ARPP21: variants seen among roughly 807,000 people sequenced by gnomAD.
ARPP21 encodes the protein cAMP-regulated phosphoprotein 21.
Under a neutral mutation model 113.2 loss-of-function variants are expected in ARPP21, and 69 were observed. The ratio of observed to expected loss-of-function variants is 0.61; its 90% CI spans 0.50 to 0.74. ARPP21 has a LOEUF of 0.74. Among genes scored for constraint, ARPP21 ranks in the 30% least tolerant of loss-of-function variants. ARPP21 has a pLI of 0.00. For synonymous variants in ARPP21, 368 were observed against 375.5 expected, an observed-to-expected ratio of 0.98 and a Z score of 0.23; for missense variants, 1,070 against 1,037.4, an observed-to-expected ratio of 1.03 and a Z score of -0.43.
intron 19 of ARPP21, among the ~76,000 whole-genome samples, chr3:35,749,101 C>G (rs1308325155): frequency 6.6e-6 from 1 of 152,090 alleles, no homozygotes; most frequent in African/African-American, 2.4e-5. Flanking sequence ...AGAAATAAAC[C>G]AGCATGCCCA....
chr3:35,733,186 AT>A (rs2094113782), intron 15 of ARPP21, among the ~76,000 whole-genome samples: 1 of 149,410 alleles, frequency 6.7e-6, no homozygotes. Context: ...GTCCATGCTT[AT>A]TTTTTATTTG....
chr3:35,717,234 G>A (rs543280521), intron 12 of ARPP21, 64 bp from the exon 13 acceptor site: 2 of 905,748 alleles, frequency 2.2e-6, no homozygotes, highest in Non-Finnish European at 3.7e-6. Context: ...ACACATCCAT[G>A]TAAACACAAG....
At chr3:35,744,466 CG>C (rs1559824145) in intron 19 of ARPP21, 1 of 526,786 alleles carries the variant, frequency 1.9e-6, no homozygotes, top group East Asian at 5.6e-5. Flanking sequence ...GCCCAGAGCC[CG>C]GCAGCCACTG....
At chr3:35,667,999 GAAGAAGAAGAA>G (rs2075192931) in intron 1 of ARPP21, among the ~76,000 whole-genome samples, 1 of 149,762 alleles carries the variant, frequency 6.7e-6, no homozygotes, top group South Asian at 2.1e-4. Flanking sequence ...AGAAGAAGAA[GAAGAAGAAGAA>G]GAAGAAGAAG....
intron 19 of ARPP21, among the ~76,000 whole-genome samples, chr3:35,781,276 C>A (rs888306662): frequency 2.0e-5 from 3 of 152,106 alleles, no homozygotes; most frequent in Non-Finnish European, 4.4e-5. Flanking sequence ...CCTTTGAATG[C>A]CTTGAGTTGA....
chr3:35,717,475 T>C (rs2092576320), intron 13 of ARPP21, 118 bp downstream of exon 13: 1 of 675,634 alleles, frequency 1.5e-6, no homozygotes, highest in Non-Finnish European at 2.6e-6. Flanking sequence ...TCTGGTTATC[T>C]CTTTGTAAAG....
chr3:35,656,572 A>T (rs538719833), intron 1 of ARPP21, among the ~76,000 whole-genome samples: 45 of 152,182 alleles, frequency 3.0e-4, no homozygotes, highest in Non-Finnish European at 5.7e-4. Context: ...AAGTCATTGC[A>T]GACTGTATGA....
chr3:35,708,239 A>T (rs1315944711), intron 10 of ARPP21, among the ~76,000 whole-genome samples: 4 of 152,208 alleles, frequency 2.6e-5, no homozygotes, highest in Non-Finnish European at 5.9e-5. Context: ...AATGGAAAGA[A>T]TAGATGGAAG....
chr3:35,751,108 A>G (rs1201273693), intron 19 of ARPP21, among the ~76,000 whole-genome samples: 1 of 152,216 alleles, frequency 6.6e-6, no homozygotes, highest in Non-Finnish European at 1.5e-5. Flanking sequence ...AAATCAAGAC[A>G]GCTACATAGC....
intron 1 of ARPP21, among the ~76,000 whole-genome samples, chr3:35,676,374 C>T (rs910231262): frequency 2.3e-4 from 35 of 152,102 alleles, no homozygotes; most frequent in Non-Finnish European, 4.7e-4. Context: ...CTATATATAA[C>T]CTTCTACATG....
chr3:35,709,016 T>C lies in ARPP21; in HGVS notation c.843T>C (p.Ile281=). Residue 281 remains isoleucine, a synonymous_variant, in exon 11 of 21, where the codon ATT becomes ATC. Transcript: ENST00000684406. ...PFRDDRRSKS[I]EEREEEYQRV... ...GAGATGACAGACGAAGTAAATCAATTGAAGAGAGAGAAGAGGAATATCAGA... is the reference window on the plus strand; with the variant it reads ...GAGATGACAGACGAAGTAAATCAATCGAAGAGAGAGAAGAGGAATATCAGA... 1 of 1,613,860 alleles carries C rather than the reference T, an allele frequency of 6.2e-7. No individual in the cohort carries two copies. Among genetic ancestry groups the C allele is most frequent in the Non-Finnish European group, 8.5e-7 (1 of 1,179,836 alleles).
chr3:35,640,659 C>G (rs1697736623), intron 1 of ARPP21, among the ~76,000 whole-genome samples: 1 of 152,128 alleles, frequency 6.6e-6, no homozygotes, highest in Non-Finnish European at 1.5e-5. Context: ...TCAGAGAAGT[C>G]TACAGTGATT....
intron 19 of ARPP21, among the ~76,000 whole-genome samples, chr3:35,783,580 T>C (rs1219313141): frequency 6.6e-6 from 1 of 152,186 alleles, no homozygotes; most frequent in Non-Finnish European, 1.5e-5. Context: ...CCTGGATTAT[T>C]GCTTTTGCTT....
intron 6 of ARPP21, among the ~76,000 whole-genome samples, chr3:35,688,600 A>T (rs991796132): frequency 4.0e-5 from 6 of 151,658 alleles, no homozygotes; most frequent in Admixed American, 4.0e-4. Context: ...AAACAAACAA[A>T]CTGGACAACT....
intron 1 of ARPP21, among the ~76,000 whole-genome samples, chr3:35,659,971 C>G (rs1006667992): frequency 3.9e-5 from 6 of 152,094 alleles, no homozygotes; most frequent in African/African-American, 1.4e-4. Context: ...TGTTTTATGA[C>G]AAGAGTCACA....
intron 19 of ARPP21, among the ~76,000 whole-genome samples, chr3:35,787,967 T>C (rs2096666206): frequency 6.6e-6 from 1 of 152,214 alleles, no homozygotes; most frequent in African/African-American, 2.4e-5. Context: ...CTTCTGCAAA[T>C]GGAGTTTAGT....
intron 1 of ARPP21, among the ~76,000 whole-genome samples, chr3:35,656,567 A>T (rs185683269): frequency 4.4e-4 from 67 of 152,148 alleles, no homozygotes; most frequent in Middle Eastern, 3.4e-3. Context: ...ATCTCAAGTC[A>T]TTGCAGACTG....
chr3:35,778,221 A>C (rs959815834), intron 19 of ARPP21, among the ~76,000 whole-genome samples: 8 of 152,162 alleles, frequency 5.3e-5, no homozygotes, highest in African/African-American at 1.7e-4. Context: ...TAATCTTTGA[A>C]GGGAAGGGGA....
rs754678579 is a variant in ARPP21, at chr3:35,792,444, C to T, written c.2200C>T (p.Pro734Ser). The change falls in exon 20 of 21, where the codon CCT (proline) becomes TCT (serine). Residue 734 changes from proline to serine, a missense_variant. By Grantham distance (74) the Pro-to-Ser change is moderately conservative. Coordinates refer to ENST00000684406, the MANE Select transcript of ARPP21 (RefSeq NM_001385562.1). ...AGGCCTAATAGGAGTGCAGCAGCCACCTCAGAGTCAGAACGTGATAAATAA... is the reference window on the plus strand; with the variant it reads ...AGGCCTAATAGGAGTGCAGCAGCCATCTCAGAGTCAGAACGTGATAAATAA... ...FQGLIGVQQP[P>S]QSQNVINNQQ... is the part of the protein sequence containing the mutation. 3 of 1,613,934 alleles carry T rather than the reference C, an allele frequency of 1.9e-6. No homozygotes were observed. Among genetic ancestry groups the T allele is most frequent in the Non-Finnish European group, 2.5e-6 (3 of 1,179,834 alleles).
Sources: gnomAD v4.1 joint callset for allele counts (sites outside exome capture counted in the v4.1 genomes callset) on GRCh38, gnomAD v4.1.1 for gene constraint, MANE v1.5 for transcripts, NCBI Gene and HGNC (gene_info 2026-07-23, HGNC 2026-07-21) for gene names.